The following VWF variants were observed in gnomAD, a reference collection of about 807,000 sequenced individuals.
The protein encoded by VWF is von Willebrand factor, also known as Factor VIII related antigen.
A neutral mutation model predicts 308.6 loss-of-function variants in VWF; 176 were observed. The ratio of observed to expected loss-of-function variants is 0.57; its 90% CI spans 0.50 to 0.65. VWF has a LOEUF of 0.65. Ranked by LOEUF, VWF falls within the 30% of genes least tolerant of loss-of-function variation. The pLI is 0.00. For missense variants in VWF, 3,146 were observed against 3,648.2 expected, an observed-to-expected ratio of 0.86 and a Z score of 3.55; for synonymous variants, 1,385 against 1,443.4, an observed-to-expected ratio of 0.96 and a Z score of 0.92.
chr12:6,107,335 G>A (rs1430651778), intron 5 of VWF, among the ~76,000 whole-genome samples: 1 of 152,204 alleles, frequency 6.6e-6, no homozygotes, highest in African/African-American at 2.4e-5. Context: ...TTTGATTGTG[G>A]TGGTTACATG....
intron 20 of VWF, among the ~76,000 whole-genome samples, chr12:6,033,873 C>T (rs1286130709): frequency 2.0e-5 from 3 of 152,240 alleles, no homozygotes; most frequent in African/African-American, 7.2e-5. Context: ...TCCCGCCCCT[C>T]CTCCTCCTGG....
intron 5 of VWF, among the ~76,000 whole-genome samples, chr12:6,096,882 T>C (rs1945110507): frequency 6.6e-6 from 1 of 152,198 alleles, no homozygotes; most frequent in Admixed American, 6.5e-5. Flanking sequence ...GGTCAAGTAA[T>C]GCATTTGCAA....
chr12:6,105,879 A>C (rs2136515328), intron 5 of VWF, among the ~76,000 whole-genome samples: 1 of 150,790 alleles, frequency 6.6e-6, no homozygotes, highest in South Asian at 2.1e-4. Flanking sequence ...TACTAAAAAT[A>C]CAAAAAAAAA....
chr12:6,123,030 G>A (rs948815803), intron 2 of VWF, 112 bp downstream of exon 2: 5 of 1,398,258 alleles, frequency 3.6e-6, no homozygotes, highest in Admixed American at 1.7e-5. Flanking sequence ...AACAGCCTAA[G>A]TTAGGGCTGG....
At chr12:5,998,464 TCA>T (rs1943831406) in intron 34 of VWF, among the ~76,000 whole-genome samples, 2 of 31,812 alleles carry the variant, frequency 6.3e-5, no homozygotes, top group Admixed American at 1.1e-3. Context: ...CGAGACTCCG[TCA>T]AAAAAAAAAA....
Position 6,046,719 on chromosome 12 carries a change from T to C in VWF, c.2281+4A>G. The C allele has an allele frequency of 1.9e-6, 3 of 1,614,002 alleles. No homozygotes were observed. Among genetic ancestry groups the C allele is most frequent in the Non-Finnish European group, 2.5e-6 (3 of 1,179,918 alleles). ...AATGGGCCTTCCAGGGGGACAGTAC[T>C]CACTGCGATGAGACAGGGGACTGCT... On this transcript the variant is annotated splice_donor_region_variant and intron_variant, in intron 17 of 51. Transcript: ENST00000261405. This position sits in a 1 kb window ranked among gnomAD's most constrained non-coding sequence, Gnocchi z 5.0.
At chr12:6,041,669 G>A (rs989621286) in intron 18 of VWF, among the ~76,000 whole-genome samples, 4 of 151,882 alleles carry the variant, frequency 2.6e-5, no homozygotes, top group African/African-American at 7.3e-5. Flanking sequence ...GGATGGTCTC[G>A]ATCTCCTGAC....
chr12:6,029,022 C>T (rs900749539), intron 22 of VWF, among the ~76,000 whole-genome samples: 12 of 151,142 alleles, frequency 7.9e-5, no homozygotes, highest in East Asian at 3.9e-4. Context: ...ACCCATCTCA[C>T]GTGCAGAGAC....
intron 5 of VWF, 92 bp downstream of exon 5, chr12:6,110,282 A>C (rs546198387): frequency 2.9e-6 from 4 of 1,364,084 alleles, no homozygotes; most frequent in African/African-American, 1.4e-5. Flanking sequence ...TGAGGCTTGA[A>C]TGCCAGGGAA....
In VWF at chr12:5,968,139, G is replaced by T; in HGVS notation, c.7758C>A (p.Gly2586=). 1 of 1,614,100 alleles carries T rather than the reference G, an allele frequency of 6.2e-7. No individual in the cohort carries two copies. Among genetic ancestry groups the T allele is most frequent in the Non-Finnish European group, 8.5e-7 (1 of 1,180,000 alleles). Residue 2586 remains glycine (G), a synonymous_variant, in exon 46 of 52, where the codon GGC becomes GGA. Transcript: ENST00000261405. Reference sequence around the variant, plus strand: ...GACAGCGGCTCACCCCAATGACAGTGCCATTGAGCATGCAGGCCTCCATGC... The same window carrying T: ...GACAGCGGCTCACCCCAATGACAGTTCCATTGAGCATGCAGGCCTCCATGC... ...CERMEACMLN[G]TVIGPGKTVM...
Position 6,029,586 on chromosome 12 carries a change from C to G in VWF, c.2821-98G>C. 3 of 1,516,716 alleles carry G rather than the reference C, an allele frequency of 2.0e-6. No individual in the cohort carries two copies. In the Admixed American group the frequency reaches 5.7e-5, roughly 29 times the overall value. The allele number at this position is 1,516,716 out of a possible 1,614,324, so 94.0% of individuals were successfully genotyped here. ...ACACCTGCCCATCTGTCTTCAGTGC[C>G]CACGAGTGCAGGCACTGCCACCCCT... On this transcript the variant is annotated intron_variant, in intron 21 of 51. Coordinates refer to ENST00000261405, the MANE Select transcript of VWF (RefSeq NM_000552.5).
At chr12:6,037,596 C>CA (rs1944351779) in intron 18 of VWF, among the ~76,000 whole-genome samples, 1 of 152,220 alleles carries the variant, frequency 6.6e-6, no homozygotes, top group South Asian at 2.1e-4. Context: ...AACATGCAGA[C>CA]ACGCTTCTGT....
chr12:5,983,395 G>C, intron 40 of VWF, 141 bp from the exon 41 acceptor site: 2 of 359,296 alleles, frequency 5.6e-6, no homozygotes, highest in South Asian at 2.3e-5. Context: ...GAGATTACAT[G>C]GGTTAGGATA....
intron 24 of VWF, among the ~76,000 whole-genome samples, chr12:6,025,061 C>G (rs1944175736): frequency 6.6e-6 from 1 of 151,166 alleles, no homozygotes; most frequent in Non-Finnish European, 1.5e-5. Flanking sequence ...TGCACTTAAC[C>G]TTGCGGAATT....
At chr12:5,955,178 A>G (rs373469890) in intron 47 of VWF, among the ~76,000 whole-genome samples, 1 of 152,212 alleles carries the variant, frequency 6.6e-6, no homozygotes, top group East Asian at 1.9e-4. Flanking sequence ...TAATATAAAC[A>G]GACACAGAAA....
chr12:6,046,890 C>A lies in VWF; in HGVS notation c.2187-73G>T. ...TCGCTGCCTCCACATCTTCACCTCC[C>A]ACTCACTCTCTGCCCCTTCCAACCA... On this transcript the variant is annotated intron_variant, in intron 16 of 51. Transcript: ENST00000261405. This position sits in a 1 kb window ranked among gnomAD's most constrained non-coding sequence, Gnocchi z 5.0. 1 of 1,364,200 alleles carries A rather than the reference C, an allele frequency of 7.3e-7. No individual in the cohort carries two copies. The highest frequency in any genetic ancestry group is 2.4e-5 in the East Asian group (1 of 42,208). The allele number at this position is 1,364,200 out of a possible 1,614,324, so 84.5% of individuals were successfully genotyped here. A position where few individuals can be genotyped will look rare whatever the true frequency, so the allele number is the denominator to read the frequency against.
intron 38 of VWF, among the ~76,000 whole-genome samples, chr12:5,986,546 TC>T (rs1217092024): frequency 6.6e-6 from 1 of 152,156 alleles, no homozygotes; most frequent in East Asian, 1.9e-4. Flanking sequence ...ACTTATTACT[TC>T]CACAGTCAGC....
chr12:6,049,653 C>T (rs1167181312), intron 16 of VWF, among the ~76,000 whole-genome samples: 2 of 152,236 alleles, frequency 1.3e-5, no homozygotes, highest in Non-Finnish European at 2.9e-5. Context: ...GATAGTCTCT[C>T]TAAGCCTCAA....
At chr12:5,969,604 G>A (rs1446372532) in intron 44 of VWF, among the ~76,000 whole-genome samples, 1 of 152,256 alleles carries the variant, frequency 6.6e-6, no homozygotes, top group Non-Finnish European at 1.5e-5. Context: ...TCACCTGACT[G>A]AGGCACCCAG....
Sources: allele counts gnomAD v4.1 joint callset (sites outside exome capture counted in the v4.1 genomes callset), GRCh38; gene constraint gnomAD v4.1.1; non-coding constraint Gnocchi (gnomAD v3.1); transcripts MANE v1.5; gene names NCBI Gene and HGNC (gene_info 2026-07-23, HGNC 2026-07-21).